Variants in PCDHGA8 observed in about 807,000 individuals in gnomAD.
PCDHGA8 encodes protocadherin gamma subfamily A, 8.
PCDHGA8 carries 45 observed loss-of-function variants against 59.2 expected under a neutral mutation model. The ratio of observed to expected loss-of-function variants is 0.76; its 90% CI spans 0.60 to 0.98. The LOEUF (loss-of-function observed/expected upper bound fraction) is 0.98, where lower values mean the gene tolerates loss of function less well. PCDHGA8 is among the 50% of genes least tolerant of loss of function. PCDHGA8 has a pLI of 0.00. For missense variants in PCDHGA8, 1,257 were observed against 1,196.2 expected (o/e 1.05, Z -0.75); for synonymous variants, 531 against 519.0 (o/e 1.02, Z -0.32).
intron 1 of PCDHGA8, chr5:141,403,467 T>G: frequency 6.2e-7 from 1 of 1,614,020 alleles, no homozygotes; most frequent in Non-Finnish European, 8.5e-7. Context: ...AGCTACCAGC[T>G]CAGCCCCAAT....
chr5:141,457,806 G>A (rs1321207711), intron 1 of PCDHGA8, among the ~76,000 whole-genome samples: 1 of 152,150 alleles, frequency 6.6e-6, no homozygotes, highest in Non-Finnish European at 1.5e-5. Context: ...CTCCTCTTGA[G>A]GTCCCAAGAT....
chr5:141,415,443 C>T, intron 1 of PCDHGA8: 1 of 1,614,196 alleles, frequency 6.2e-7, no homozygotes, highest in Non-Finnish European at 8.5e-7. Context: ...TCCTGCAGAC[C>T]TATTCCCACG....
At chr5:141,408,059 C>T in intron 1 of PCDHGA8, 1 of 1,317,324 alleles carries the variant, frequency 7.6e-7, no homozygotes, top group Non-Finnish European at 1.0e-6. Flanking sequence ...AGCCTCCCGG[C>T]TGCGCAGACC....
chr5:141,507,846 T>G (rs892503210), intron 3 of PCDHGA8, among the ~76,000 whole-genome samples: 1 of 152,134 alleles, frequency 6.6e-6, no homozygotes, highest in African/African-American at 2.4e-5. Context: ...CAGGCCCTGC[T>G]CTCACTTTCA....
chr5:141,392,685 A>C lies in PCDHGA8; in HGVS notation c.-129A>C. On this transcript the variant is annotated 5_prime_UTR_variant, in exon 1 of 4. Transcript: ENST00000398604. ...CAAACTAACTGCTGGACTGCAGCGA[A>C]ACCCGACCCCTGTTTGGAGGCACTC... The C allele has an allele frequency of 8.3e-6, 9 of 1,078,992 alleles. No individual in the cohort carries two copies. Among genetic ancestry groups the C allele is most frequent in the Non-Finnish European group, 1.2e-5 (9 of 780,976 alleles). 66.8% of individuals were successfully genotyped at this position (1,078,992 alleles called of 1,614,324 possible).
chr5:141,393,175 T>C lies in PCDHGA8; in HGVS notation c.362T>C (p.Ile121Thr). The part of the protein sequence containing the change: ...EDKGKLFGVE[I>T]EIIDINDNNP... ...AAAGGAAAACTCTTTGGGGTAGAAATAGAAATAATTGATATTAACGATAAT... is the reference window on the plus strand; with the variant it reads ...AAAGGAAAACTCTTTGGGGTAGAAACAGAAATAATTGATATTAACGATAAT... The change falls in exon 1 of 4, where the codon ATA becomes ACA. Residue 121 changes from isoleucine (I) to threonine (T), a missense_variant. Physicochemically the swap from Ile to Thr is moderately conservative, Grantham distance 89 (BLOSUM62 -1). Coordinates refer to ENST00000398604, the MANE Select transcript of PCDHGA8 (RefSeq NM_032088.2). 1.2e-6 allele frequency: 2 copies of C among 1,613,210 alleles called. No individual in the cohort carries two copies. The highest frequency in any genetic ancestry group is 1.7e-6 in the Non-Finnish European group (2 of 1,179,882).
At position 141,403,374 on chromosome 5, in the gene PCDHGA8, A is replaced by G. The variant is rs1448394920; in HGVS notation, c.2424+8137A>G. 3.1e-6 allele frequency: 5 copies of G among 1,613,936 alleles called. No individual in the cohort carries two copies. The African/African-American group carries it at 6.7e-5, about 22-fold the overall frequency. ...TTCCAGGCCGAAAGTCTGGAAGTAA[A>G]AATTAACGAAATCGCGGTTCCTGGA... On this transcript the variant is annotated intron_variant, in intron 1 of 3. Transcript: ENST00000398604.
At chr5:141,456,968 AAAAC>A (rs202005606) in intron 1 of PCDHGA8, among the ~76,000 whole-genome samples, 2,421 of 152,270 alleles carry the variant, frequency 0.016, 37 homozygotes, top group Non-Finnish European at 0.025. Context: ...ATCTCAAAAC[AAAAC>A]AAACAAACAA....
At chr5:141,422,090 AGGCTTCTGAAATATTCCAATT>A (rs1561798894) in intron 1 of PCDHGA8, 11 of 1,611,852 alleles carry the variant, frequency 6.8e-6, no homozygotes, top group Non-Finnish European at 9.3e-6. Flanking sequence ...ATGGAAAGCA[AGGCTTCTGAAATATTCCAATT>A]GGATTCACAA....
At chr5:141,408,819 G>A in intron 1 of PCDHGA8, 1 of 1,613,520 alleles carries the variant, frequency 6.2e-7, no homozygotes, top group Non-Finnish European at 8.5e-7. Context: ...GAAGAACAGA[G>A]ATCTCATAGC....
intron 1 of PCDHGA8, among the ~76,000 whole-genome samples, chr5:141,465,205 G>A (rs1460694369): frequency 6.6e-6 from 1 of 151,892 alleles, no homozygotes; most frequent in Admixed American, 6.6e-5. Flanking sequence ...AAAAATATAA[G>A]CTTTATTTTT....
At position 141,408,734 on chromosome 5, in the gene PCDHGA8, T is replaced by C. The variant is rs376769558; in HGVS notation, c.2424+13497T>C. 1.5e-4 allele frequency: 244 copies of C among 1,610,058 alleles called. No homozygotes were observed. The highest frequency in any genetic ancestry group is 1.9e-4 in the Non-Finnish European group (226 of 1,177,812). On this transcript the variant is annotated intron_variant, in intron 1 of 3. Transcript: ENST00000398604. ...TTATAAGATAAACTCTAATCCTTAT[T>C]TTTCATTAATGGTTAGAGTTAATTC...
chr5:141,421,665 C>G (rs1227312221), intron 1 of PCDHGA8: 4 of 1,613,854 alleles, frequency 2.5e-6, no homozygotes, highest in Non-Finnish European at 2.5e-6. Flanking sequence ...TCAGTGAGCA[C>G]GCAATTCCTG....
rs754299511 is a variant in PCDHGA8 at position 141,476,353 on chromosome 5, G to A, written c.2425-18454G>A. 4 of 1,614,202 alleles carry A rather than the reference G, an allele frequency of 2.5e-6. No individual in the cohort carries two copies. Among genetic ancestry groups the A allele is most frequent in the South Asian group, 1.1e-5 (1 of 91,082 alleles). On this transcript the variant is annotated intron_variant, in intron 1 of 3. Coordinates refer to ENST00000398604, the MANE Select transcript of PCDHGA8 (RefSeq NM_032088.2). The surrounding 1 kb of genome is among the most constrained non-coding windows in gnomAD (Gnocchi z 7.6). The stretch of plus-strand genomic sequence containing the variant: ...GAGCTAGCCGAAGATTCTTTGAGGT[G>A]AACCGGGAGACCGGAGAGATGTTTG...
chr5:141,431,658 C>T lies in PCDHGA8; in HGVS notation c.2424+36421C>T, dbSNP rs1283381348. 6.2e-7 allele frequency: 1 copy of T among 1,614,088 alleles called. No individual in the cohort carries two copies. ...TTCAAACTAGATTGTAATTCAGGGA[C>T]AATATCAACAATAGGGGAGTTGGAC... On this transcript the variant is annotated intron_variant, in intron 1 of 3. Transcript: ENST00000398604. The surrounding 1 kb of genome is among the most constrained non-coding windows in gnomAD (Gnocchi z 4.8).
chr5:141,435,026 C>A (rs977017371), intron 1 of PCDHGA8, among the ~76,000 whole-genome samples: 4 of 151,978 alleles, frequency 2.6e-5, no homozygotes, highest in Non-Finnish European at 5.9e-5. Context: ...GCTCTTTTCC[C>A]ACTTTTATTT....
chr5:141,423,273 G>C, intron 1 of PCDHGA8: 2 of 1,613,896 alleles, frequency 1.2e-6, no homozygotes, highest in Non-Finnish European at 1.7e-6. Flanking sequence ...TCGAGTCTCT[G>C]GCTAACTCTG....
chr5:141,409,328 T>A, intron 1 of PCDHGA8: 3 of 1,613,926 alleles, frequency 1.9e-6, no homozygotes, highest in Non-Finnish European at 2.5e-6. Context: ...GGATCTGGAT[T>A]TCGGAGGAAA....
chr5:141,476,587 G>A lies in PCDHGA8; in HGVS notation c.2425-18220G>A. ...CTCCGGGGACGCGCTTTCCGCTCGA[G>A]AGCGCGCACGATCCCGATGTGGGAA... On this transcript the variant is annotated intron_variant, in intron 1 of 3. Coordinates refer to ENST00000398604, the MANE Select transcript of PCDHGA8 (RefSeq NM_032088.2). The surrounding 1 kb of genome is among the most constrained non-coding windows in gnomAD (Gnocchi z 7.6). 6.2e-7 allele frequency: 1 copy of A among 1,614,234 alleles called. No homozygotes were observed. The highest frequency in any genetic ancestry group is 1.1e-5 in the South Asian group (1 of 91,086).
Sources: allele counts gnomAD v4.1 joint callset (sites outside exome capture counted in the v4.1 genomes callset), GRCh38; gene constraint gnomAD v4.1.1; non-coding constraint Gnocchi (gnomAD v3.1); transcripts MANE v1.5; gene names NCBI Gene and HGNC (gene_info 2026-07-23, HGNC 2026-07-21).